MSANTD7: variants seen among roughly 807,000 people sequenced by gnomAD.
MSANTD7 encodes the protein Myb/SANT DNA binding domain containing 7.
the MSANTD7 span, chr10:14,845,628 G>T: frequency 3.9e-6 from 3 of 776,536 alleles, no homozygotes; most frequent in Non-Finnish European, 4.7e-6. Context: ...AAGTCTCACT[G>T]TTTTGCCCAG....
the MSANTD7 span, chr10:14,838,434 C>A: frequency 1.2e-6 from 2 of 1,606,554 alleles, no homozygotes; most frequent in East Asian, 4.5e-5. Flanking sequence ...CTGGGCTGCA[C>A]CTCAGCCTGT....
the MSANTD7 span, chr10:14,842,617 A>G: frequency 1.3e-6 from 2 of 1,536,064 alleles, no homozygotes; most frequent in African/African-American, 2.7e-5. The surrounding 1 kb of genome is among the most constrained non-coding windows in gnomAD (Gnocchi z 5.2). Flanking sequence ...CAGACAACTT[A>G]ATGGAGGATG....
chr10:14,840,072 C>CG, the MSANTD7 span: 1 of 1,281,844 alleles, frequency 7.8e-7, no homozygotes, highest in South Asian at 1.9e-5. Context: ...TTTTTTTTTT[C>CG]AGATTGTTGG....
At chr10:14,839,811 T>G in the MSANTD7 span, 1 of 808,728 alleles carries the variant, frequency 1.2e-6, no homozygotes, top group Admixed American at 2.3e-5. Flanking sequence ...TAGCAGTTTT[T>G]CTTTCCACAC....
chr10:14,843,957 C>A, the MSANTD7 span: 13 of 1,516,720 alleles, frequency 8.6e-6, no homozygotes, highest in South Asian at 1.2e-5. Flanking sequence ...AACCTGCCTT[C>A]TGAATCCCTG....
At chr10:14,839,965 G>T in the MSANTD7 span, 5 of 1,611,310 alleles carry the variant, frequency 3.1e-6, no homozygotes, top group African/African-American at 2.7e-5. Flanking sequence ...AGCTGTTGTT[G>T]CTTACTCAGA....
At chr10:14,844,343 G>A in the MSANTD7 span, 1 of 1,031,624 alleles carries the variant, frequency 9.7e-7, no homozygotes, top group Non-Finnish European at 1.2e-6. Context: ...CCTTGGCTGA[G>A]GTAAGGCAGA....
chr10:14,845,611 T>G, the MSANTD7 span: 3 of 815,602 alleles, frequency 3.7e-6, no homozygotes, highest in Non-Finnish European at 4.4e-6. Flanking sequence ...TTTTTTTTTT[T>G]GAGAAAAAGT....
At chr10:14,845,752 G>A in the MSANTD7 span, 28 of 174,386 alleles carry the variant, frequency 1.6e-4, no homozygotes, top group Middle Eastern at 5.6e-3. Context: ...AGTAGAGACG[G>A]GGTTTCACCA....
At chr10:14,842,883 G>C in the MSANTD7 span, 1 of 1,378,484 alleles carries the variant, frequency 7.3e-7, no homozygotes, top group African/African-American at 1.4e-5. The surrounding 1 kb of genome is among the most constrained non-coding windows in gnomAD (Gnocchi z 5.2). Flanking sequence ...GGGTCCCAGA[G>C]TCTTGTGGCT....
At chr10:14,839,478 T>A in the MSANTD7 span, among the ~76,000 whole-genome samples, 12 of 150,596 alleles carry the variant, frequency 8.0e-5, no homozygotes, top group Non-Finnish European at 1.5e-4. Context: ...GGCATGAGAA[T>A]GGCTTGAACC....
chr10:14,845,635 C>A, the MSANTD7 span: 1 of 744,550 alleles, frequency 1.3e-6, no homozygotes, highest in Non-Finnish European at 1.6e-6. Context: ...ACTGTTTTGC[C>A]CAGGCTGGGG....
the MSANTD7 span, chr10:14,846,521 G>C: frequency 2.0e-6 from 2 of 985,384 alleles, no homozygotes; most frequent in Non-Finnish European, 2.4e-6. Context: ...CAGGGAGACA[G>C]TGTGCAAGAA....
the MSANTD7 span, among the ~76,000 whole-genome samples, chr10:14,841,689 T>A: frequency 6.6e-6 from 1 of 152,102 alleles, no homozygotes; most frequent in Non-Finnish European, 1.5e-5. Context: ...AAAAAAAAAA[T>A]TTGTATTAGC....
chr10:14,839,291 G>A, the MSANTD7 span, among the ~76,000 whole-genome samples: 1 of 152,292 alleles, frequency 6.6e-6, no homozygotes, highest in East Asian at 1.9e-4. Context: ...GGGAAGAAAG[G>A]GGCCCAGCGC....
the MSANTD7 span, chr10:14,843,468 G>T: frequency 1.4e-4 from 224 of 1,550,620 alleles, 1 homozygote; most frequent in African/African-American, 2.4e-3. Flanking sequence ...GACTGGGTGT[G>T]TCCGGGGAGC....
the MSANTD7 span, chr10:14,840,220 A>C: frequency 1.2e-6 from 1 of 844,404 alleles, no homozygotes; most frequent in Non-Finnish European, 1.7e-6. Flanking sequence ...TTCTAAGCAT[A>C]ATGTGAAAAG....
At chr10:14,838,366 AC>A in the MSANTD7 span, 2 of 1,569,592 alleles carry the variant, frequency 1.3e-6, no homozygotes. Flanking sequence ...CTGTTGGGGG[AC>A]CCCCTCATTC....
chr10:14,838,570 A>G, the MSANTD7 span: 3 of 1,086,584 alleles, frequency 2.8e-6, no homozygotes, highest in Non-Finnish European at 3.9e-6. Context: ...GATGTCGTGG[A>G]GTGGCGTTGC....
Sources: gnomAD v4.1 joint callset for allele counts (sites outside exome capture counted in the v4.1 genomes callset) on GRCh38, gnomAD v4.1.1 for gene constraint, Gnocchi (gnomAD v3.1) non-coding constraint, MANE v1.5 for transcripts, NCBI Gene and HGNC (gene_info 2026-07-23, HGNC 2026-07-21) for gene names.